MASTL: variants seen among roughly 807,000 people sequenced by gnomAD.
MASTL encodes the protein microtubule associated serine/threonine kinase like.
A neutral mutation model predicts 82.5 loss-of-function variants in MASTL; 54 were observed. The observed-to-expected ratio is 0.65, with a 90% CI of 0.53 to 0.82. The LOEUF is 0.82. MASTL is among the 40% of genes least tolerant of loss of function. The probability of loss-of-function intolerance (pLI) is 0.00; values close to 1 mark genes in which losing one functional copy is unlikely to be tolerated. For synonymous variants in MASTL, 323 were observed against 368.9 expected (o/e 0.88, Z 1.43); for missense variants, 950 against 1,047.8 (o/e 0.91, Z 1.29).
intron 1 of MASTL, among the ~76,000 whole-genome samples, chr10:27,157,150 T>C (rs73598034): frequency 0.056 from 8,509 of 152,220 alleles, 259 homozygotes; most frequent in African/African-American, 0.083. Context: ...TTTTGTGCTC[T>C]TCTCCACCTG....
chr10:27,185,201 G>A (rs2058610943), intron 11 of MASTL, among the ~76,000 whole-genome samples: 2 of 152,176 alleles, frequency 1.3e-5, no homozygotes, highest in South Asian at 2.1e-4. Flanking sequence ...CTGCTAAGGA[G>A]CGTGGTGATA....
At chr10:27,174,032 A>G (rs2058029094) in intron 9 of MASTL, among the ~76,000 whole-genome samples, 1 of 152,094 alleles carries the variant, frequency 6.6e-6, no homozygotes, top group South Asian at 2.1e-4. Flanking sequence ...CCAGAAATGA[A>G]CCATCATCCT....
chr10:27,185,333 T>C (rs2058625602), intron 11 of MASTL, among the ~76,000 whole-genome samples: 1 of 152,138 alleles, frequency 6.6e-6, no homozygotes, highest in Non-Finnish European at 1.5e-5. Flanking sequence ...TCAGGGATTC[T>C]TTAACAAGAT....
chr10:27,156,576 T>TG (rs1311577123), intron 1 of MASTL, among the ~76,000 whole-genome samples: 1 of 152,176 alleles, frequency 6.6e-6, no homozygotes, highest in South Asian at 2.1e-4. Flanking sequence ...CTCGGCTCCC[T>TG]GCAGCCTCTG....
chr10:27,167,163 C>T lies in MASTL; in HGVS notation c.873C>T (p.Leu291=). The T allele has an allele frequency of 1.9e-6, 3 of 1,614,046 alleles. No individual in the cohort carries two copies. The highest frequency in any genetic ancestry group is 2.5e-6 in the Non-Finnish European group (3 of 1,179,952). The change falls in exon 7 of 12, where the codon CTC becomes CTT. Residue 291 remains leucine (L), a synonymous_variant. Transcript: ENST00000375940. The part of the protein sequence containing the change: ...MPVKCLTSNL[L]QSRKRLATSS... ...TGAAGTGTCTAACTTCTAATTTACT[C>T]CAGTCTAGGAAAAGGCTGGCCACAT... is the stretch of plus-strand genomic sequence containing the variant.
chr10:27,171,192 T>C (rs763628456), intron 8 of MASTL, 109 bp downstream of exon 8: 49 of 942,062 alleles, frequency 5.2e-5, no homozygotes, highest in Non-Finnish European at 7.7e-5. Context: ...GTTCTGTTCT[T>C]CTTGTTGAGA....
At chr10:27,173,012 C>T (rs1048753355) in intron 8 of MASTL, 106 bp from the exon 9 acceptor site, 6 of 1,322,580 alleles carry the variant, frequency 4.5e-6, no homozygotes, top group Non-Finnish European at 5.3e-6. Flanking sequence ...ATCCTTTACG[C>T]CTAGTAGCCT....
rs551392248 is a variant in MASTL, at chr10:27,187,853, T to C, written c.*1317T>C. ...AGAAAATGTGATGCTTTACATCTTATTGTCATTTATTTAAAACATGCAACA... is the reference window on the plus strand; with the variant it reads ...AGAAAATGTGATGCTTTACATCTTACTGTCATTTATTTAAAACATGCAACA... On this transcript the variant is annotated 3_prime_UTR_variant, in exon 12 of 12. Transcript: ENST00000375940. 6.6e-6 allele frequency among the ~76,000 whole-genome samples: 1 copy of C among 152,320 alleles called. No individual in the cohort carries two copies. Among genetic ancestry groups the C allele is most frequent in the African/African-American group, 2.4e-5 (1 of 41,578 alleles).
chr10:27,158,805 G>A (rs1280505899), intron 2 of MASTL, 119 bp downstream of exon 2: 2 of 1,092,430 alleles, frequency 1.8e-6, no homozygotes, highest in Non-Finnish European at 2.8e-6. Flanking sequence ...TGCACTCACT[G>A]CCTTGGCAAA....
chr10:27,187,164 T>G lies in MASTL; in HGVS notation c.*628T>G, dbSNP rs7924231. Among the ~76,000 whole-genome samples, 91,776 of 151,888 alleles carry G rather than the reference T, an allele frequency of 0.6. 28,007 individuals carry two copies. The highest frequency in any genetic ancestry group is 0.65 in the Non-Finnish European group (44,069 of 67,922). On this transcript the variant is annotated 3_prime_UTR_variant, in exon 12 of 12. Transcript: ENST00000375940. ...TAAATACACAAATTAGCCGGGCATG[T>G]TGGTGGGCGCCTGTAGTCCCAGCTA...
intron 11 of MASTL, among the ~76,000 whole-genome samples, chr10:27,186,088 CA>C (rs144666387): frequency 6.6e-6 from 1 of 150,700 alleles, no homozygotes. Flanking sequence ...GACCTCGTCT[CA>C]AAAAAAAAGC....
rs200073086 is a variant in MASTL at position 27,173,141 on chromosome 10, G to A, written c.2148G>A (p.Ser716=). The change falls in exon 9 of 12, where the codon TCG becomes TCA. Residue 716 remains serine (S), a synonymous_variant. Coordinates refer to ENST00000375940, the MANE Select transcript of MASTL (RefSeq NM_001172303.3). ...AGCAGACCCCAAATCAGATCAAGTC[G>A]GGAACTCCATACCGAACTCCGAAGA... ...PHQQTPNQIK[S]GTPYRTPKSV... The A allele has an allele frequency of 9.9e-6, 16 of 1,614,030 alleles. No homozygotes were observed. In the East Asian group the frequency reaches 1.8e-4, roughly 18 times the overall value.
Position 27,170,196 on chromosome 10 carries a change from A to G in MASTL, c.1237A>G (p.Thr413Ala). The change falls in exon 8 of 12, where the codon ACT becomes GCT. Residue 413 changes from threonine to alanine, a missense_variant. Thr to Ala is a moderately conservative substitution (Grantham distance 58). Transcript: ENST00000375940. ...ELDVNNINMDTDTSQLGFHQS... is the reference protein window; with the variant it reads ...ELDVNNINMDADTSQLGFHQS... ...GGATGTAAATAATATAAATATGGAC[A>G]CTGACACAAGTCAGTTAGGTTTCCA... is the stretch of plus-strand genomic sequence containing the variant. The G allele has an allele frequency of 6.2e-7, 1 of 1,614,148 alleles. No homozygotes were observed.
At chr10:27,172,187 A>C (rs184859907) in intron 8 of MASTL, among the ~76,000 whole-genome samples, 6 of 152,288 alleles carry the variant, frequency 3.9e-5, no homozygotes, top group Admixed American at 2.6e-4. Context: ...CCAAAGTTTT[A>C]CTTTTTTTCT....
chr10:27,173,632 G>A (rs564460192), intron 9 of MASTL, among the ~76,000 whole-genome samples: 1 of 152,108 alleles, frequency 6.6e-6, no homozygotes, highest in Non-Finnish European at 1.5e-5. Flanking sequence ...CCAGGCTGGA[G>A]TGCAATGGTG....
chr10:27,186,858 T>C lies in MASTL; in HGVS notation c.*322T>C, dbSNP rs2058790095. The C allele has an allele frequency of 3.0e-6, 1 of 336,380 alleles. No homozygotes were observed. Among genetic ancestry groups the C allele is most frequent in the Non-Finnish European group, 5.6e-6 (1 of 178,380 alleles). The allele number at this position is 336,380 out of a possible 1,614,324, so 20.8% of individuals were successfully genotyped here. A position where few individuals can be genotyped will look rare whatever the true frequency, so the allele number is the denominator to read the frequency against. ...TGAGCCACTAGCTTGATTTTCTTTC[T>C]CCTCTGATTTCAGTTCACTGTTCAG... On this transcript the variant is annotated 3_prime_UTR_variant, in exon 12 of 12. Transcript: ENST00000375940.
At chr10:27,167,357 C>T (rs1029387160) in intron 7 of MASTL, 83 bp downstream of exon 7, 18 of 1,227,116 alleles carry the variant, frequency 1.5e-5, no homozygotes, top group Non-Finnish European at 2.0e-5. Context: ...CATATAAATT[C>T]CATAAAGAAA....
chr10:27,180,016 T>A (rs2058221971), intron 9 of MASTL, among the ~76,000 whole-genome samples: 1 of 152,242 alleles, frequency 6.6e-6, no homozygotes, highest in Non-Finnish European at 1.5e-5. Flanking sequence ...ATTGGTAATC[T>A]AAACTTCTTG....
intron 3 of MASTL, 54 bp from the exon 4 acceptor site, chr10:27,161,040 A>G: frequency 8.9e-7 from 1 of 1,129,728 alleles, no homozygotes; most frequent in Non-Finnish European, 1.4e-6. Context: ...GGAAATTCTA[A>G]CATTAAAACT....
Sources: gnomAD v4.1 joint callset for allele counts (sites outside exome capture counted in the v4.1 genomes callset) on GRCh38, gnomAD v4.1.1 for gene constraint, MANE v1.5 for transcripts, NCBI Gene and HGNC (gene_info 2026-07-23, HGNC 2026-07-21) for gene names.